Variants in MBOAT2 observed in about 807,000 individuals in gnomAD.
MBOAT2 encodes the protein membrane bound glycerophospholipid O-acyltransferase 2.
In MBOAT2, 28 loss-of-function variants were observed where a neutral mutation model predicts 63.4. That is an observed-to-expected ratio of 0.44 (90% CI 0.33 to 0.61). The LOEUF is 0.61. MBOAT2 is among the 20% of genes least tolerant of loss of function. The pLI, the probability that MBOAT2 is intolerant of heterozygous loss-of-function variation, is 0.03. For synonymous variants in MBOAT2, 211 were observed against 215.6 expected (o/e 0.98, Z 0.19); for missense variants, 470 against 605.8 (o/e 0.78, Z 2.35).
At chr2:8,936,005 C>A (rs1667635294) in intron 3 of MBOAT2, among the ~76,000 whole-genome samples, 1 of 152,148 alleles carries the variant, frequency 6.6e-6, no homozygotes, top group Non-Finnish European at 1.5e-5. Flanking sequence ...ATCTGTAAAT[C>A]GTTTGTAACT....
chr2:8,944,850 C>T (rs1668302632), intron 2 of MBOAT2, among the ~76,000 whole-genome samples: 1 of 152,312 alleles, frequency 6.6e-6, no homozygotes, highest in Non-Finnish European at 1.5e-5. Flanking sequence ...TAGCAATTCA[C>T]TGGCTGACTC....
At chr2:8,968,323 C>T (rs947134051) in intron 1 of MBOAT2, among the ~76,000 whole-genome samples, 3 of 152,236 alleles carry the variant, frequency 2.0e-5, no homozygotes, top group African/African-American at 7.2e-5. Flanking sequence ...AGGGTCCTGA[C>T]TGTTAGAAGG....
At chr2:8,940,372 A>G (rs1190208160) in intron 3 of MBOAT2, among the ~76,000 whole-genome samples, 2 of 151,842 alleles carry the variant, frequency 1.3e-5, no homozygotes, top group African/African-American at 2.4e-5. Context: ...GCTCACTGCA[A>G]CCTCCGCCTC....
chr2:8,859,918 C>G (rs1229344326), intron 12 of MBOAT2, among the ~76,000 whole-genome samples: 1 of 152,152 alleles, frequency 6.6e-6, no homozygotes, highest in Non-Finnish European at 1.5e-5. Context: ...GGTGTGGTGG[C>G]TCATGCCTGT....
chr2:8,925,629 A>G (rs1666880711), intron 3 of MBOAT2, among the ~76,000 whole-genome samples: 1 of 152,228 alleles, frequency 6.6e-6, no homozygotes, highest in Non-Finnish European at 1.5e-5. Flanking sequence ...CAGTTCTGTT[A>G]GAATATACAT....
At chr2:8,873,837 T>C (rs1202206355) in intron 7 of MBOAT2, among the ~76,000 whole-genome samples, 1 of 152,132 alleles carries the variant, frequency 6.6e-6, no homozygotes, top group African/African-American at 2.4e-5. Context: ...GAATAAGAAT[T>C]TGCATAAAAG....
chr2:8,989,383 C>A (rs1671774617), intron 1 of MBOAT2, among the ~76,000 whole-genome samples: 1 of 152,134 alleles, frequency 6.6e-6, no homozygotes. Flanking sequence ...ATGCTTATTA[C>A]TAAATTAGCC....
intron 1 of MBOAT2, among the ~76,000 whole-genome samples, chr2:9,001,513 G>A (rs1314528726): frequency 6.6e-6 from 1 of 152,170 alleles, no homozygotes; most frequent in African/African-American, 2.4e-5. Context: ...CAGACATGTG[G>A]TCTGATGACC....
intron 1 of MBOAT2, among the ~76,000 whole-genome samples, chr2:8,970,291 A>G (rs141961117): frequency 7.3e-5 from 11 of 150,352 alleles, no homozygotes; most frequent in South Asian, 2.1e-4. Context: ...AACGAAATGA[A>G]GGCAGAAATA....
chr2:8,858,859 CAAT>C lies in MBOAT2; in HGVS notation c.1380_1382del (p.Leu463del). On this transcript the variant is annotated inframe_deletion, in exon 13 of 13. Coordinates refer to ENST00000305997, the MANE Select transcript of MBOAT2 (RefSeq NM_138799.4). Reference sequence around the variant, plus strand: ...TTTGAGTTTTTTTCACTGGCAACAACAATAATACTAAGATACCAAGAATGTGCA... The same window carrying C: ...TTTGAGTTTTTTTCACTGGCAACAACAATACTAAGATACCAAGAATGTGCA... The C allele has an allele frequency of 6.2e-7, 1 of 1,613,258 alleles. No individual in the cohort carries two copies.
chr2:8,962,403 A>G (rs1573180877), intron 1 of MBOAT2, among the ~76,000 whole-genome samples: 1 of 152,344 alleles, frequency 6.6e-6, no homozygotes, highest in East Asian at 1.9e-4. Flanking sequence ...CTGGGTAGAC[A>G]GAGGATGTAT....
chr2:9,002,726 G>A (rs572528478), intron 1 of MBOAT2, among the ~76,000 whole-genome samples: 3 of 151,356 alleles, frequency 2.0e-5, no homozygotes, highest in Admixed American at 6.6e-5. Context: ...TCACAATGCT[G>A]TTTATTTCTC....
chr2:9,003,264 A>C lies in MBOAT2; in HGVS notation c.75+276T>G, dbSNP rs933223558. Among the ~76,000 whole-genome samples the C allele has an allele frequency of 2.6e-5, 4 of 151,984 alleles. No individual in the cohort carries two copies. Among genetic ancestry groups the C allele is most frequent in the African/African-American group, 9.7e-5 (4 of 41,388 alleles). On this transcript the variant is annotated intron_variant, in intron 1 of 12. Coordinates refer to ENST00000305997, the MANE Select transcript of MBOAT2 (RefSeq NM_138799.4). The surrounding 1 kb of genome is among the most constrained non-coding windows in gnomAD (Gnocchi z 5.4). Reference sequence around the variant, plus strand: ...GGACCGCATGCACACCCGCACGCCCATACGACCACCCTCCCCGGGGGCTGT... The same window carrying C: ...GGACCGCATGCACACCCGCACGCCCCTACGACCACCCTCCCCGGGGGCTGT...
intron 8 of MBOAT2, 89 bp downstream of exon 8, chr2:8,873,019 T>A (rs1662441839): frequency 1.6e-6 from 2 of 1,216,108 alleles, no homozygotes; most frequent in Non-Finnish European, 2.3e-6. Flanking sequence ...TCTTTATGTA[T>A]CCTCAAGAGG....
intron 4 of MBOAT2, 62 bp downstream of exon 4, chr2:8,908,559 G>A: frequency 1.1e-6 from 1 of 870,430 alleles, no homozygotes; most frequent in Non-Finnish European, 1.9e-6. Context: ...AATATATTTT[G>A]TCCTTTAACC....
At chr2:8,909,356 A>C (rs1665545520) in intron 3 of MBOAT2, among the ~76,000 whole-genome samples, 1 of 152,216 alleles carries the variant, frequency 6.6e-6, no homozygotes, top group Admixed American at 6.5e-5. Context: ...TTATCAGGGA[A>C]TGGATGAGTT....
At chr2:8,936,853 T>TTACTTGCC (rs1189809014) in intron 3 of MBOAT2, among the ~76,000 whole-genome samples, 17 of 143,178 alleles carry the variant, frequency 1.2e-4, no homozygotes, top group African/African-American at 4.4e-4. Context: ...AGAAAGAAAA[T>TTACTTGCC]TACTTGCCAA....
chr2:8,943,904 C>T (rs1209790981), intron 2 of MBOAT2, among the ~76,000 whole-genome samples: 1 of 152,132 alleles, frequency 6.6e-6, no homozygotes, highest in Non-Finnish European at 1.5e-5. Context: ...CACACTGTTG[C>T]CTGGGCTGGA....
intron 2 of MBOAT2, among the ~76,000 whole-genome samples, chr2:8,945,667 T>C (rs757068975): frequency 5.9e-5 from 9 of 152,174 alleles, no homozygotes; most frequent in Non-Finnish European, 1.3e-4. Flanking sequence ...CCGGGTAGAA[T>C]GGAACCCCAT....
Sources: allele counts gnomAD v4.1 joint callset (sites outside exome capture counted in the v4.1 genomes callset), GRCh38; gene constraint gnomAD v4.1.1; non-coding constraint Gnocchi (gnomAD v3.1); transcripts MANE v1.5; gene names NCBI Gene and HGNC (gene_info 2026-07-23, HGNC 2026-07-21).